Variants in TMEM40 observed in about 807,000 individuals in gnomAD.
TMEM40 encodes transmembrane protein 40.
Under a neutral mutation model 40.8 loss-of-function variants are expected in TMEM40, and 34 were observed. The observed-to-expected ratio is 0.83, with a 90% CI of 0.63 to 1.11. The LOEUF is 1.11. TMEM40 is among the 50% of genes least tolerant of loss of function. TMEM40 has a pLI of 0.00. For missense variants in TMEM40, 296 were observed against 280.2 expected, an observed-to-expected ratio of 1.06 and a Z score of -0.40; for synonymous variants, 106 against 107.0, an observed-to-expected ratio of 0.99 and a Z score of 0.06.
At chr3:12,737,790 A>T in intron 7 of TMEM40, 36 bp from the exon 8 acceptor site, 1 of 1,598,730 alleles carries the variant, frequency 6.3e-7, no homozygotes, top group East Asian at 2.2e-5. Flanking sequence ...TTTAACTTTG[A>T]TGCAGGACGG....
chr3:12,753,773 G>A (rs2061497422), intron 1 of TMEM40, among the ~76,000 whole-genome samples: 1 of 152,212 alleles, frequency 6.6e-6, no homozygotes, highest in African/African-American at 2.4e-5. Context: ...GCCCAGCCCT[G>A]CTGAGTCATG....
chr3:12,769,153 A>G (rs958438851), intron 1 of TMEM40: 6 of 255,738 alleles, frequency 2.3e-5, no homozygotes, highest in Non-Finnish European at 5.2e-5. Flanking sequence ...GGCCTCTCCA[A>G]GTGCGGGGCC....
upstream of TMEM40, among the ~76,000 whole-genome samples, chr3:12,761,254 G>A (rs114626291): frequency 0.039 from 5,945 of 152,296 alleles, 392 homozygotes; most frequent in African/African-American, 0.14. Flanking sequence ...CAGCAGCCAG[G>A]CATCCTGAGA....
Position 12,736,622 on chromosome 3 carries a change from A to G in TMEM40, c.575T>C (p.Leu192Pro), listed in dbSNP as rs1276765886. The G allele has an allele frequency of 6.3e-7, 1 of 1,579,256 alleles. No individual in the cohort carries two copies. Among genetic ancestry groups the G allele is most frequent in the Admixed American group, 1.9e-5 (1 of 53,184 alleles). The change falls in exon 10 of 12, where the codon CTC (leucine) becomes CCC (proline). Residue 192 changes from leucine (L) to proline (P), a missense_variant. By Grantham distance (98) the Leu-to-Pro change is moderately conservative (BLOSUM62 -3). Transcript: ENST00000314124. ...AACGGTTTCCAGGGAGGCGAAGGTG[A>G]GCAGGCCGACCCCAAGAGACATGAA... ...DWFMSLGVGL[L>P]TFASLETVGI...
chr3:12,741,005 G>A (rs1262936820), intron 5 of TMEM40, among the ~76,000 whole-genome samples: 1 of 152,044 alleles, frequency 6.6e-6, no homozygotes, highest in East Asian at 1.9e-4. Flanking sequence ...GATGACACCT[G>A]CTGCCTTTTA....
chr3:12,761,126 A>T (rs376678884), upstream of TMEM40, among the ~76,000 whole-genome samples: 21 of 152,318 alleles, frequency 1.4e-4, 2 homozygotes, highest in Admixed American at 2.6e-4. Flanking sequence ...GCCATGTGTG[A>T]GGGCTTAGAG....
rs778282633 is a variant in TMEM40 at position 12,765,791 on chromosome 3, G to C, written c.-9+3460C>G. ...TCACCGTGTTAATCAGAATGGTCTCGATCTCCTGACCTCGTCATCTGCCCG... is the reference window on the plus strand; with the variant it reads ...TCACCGTGTTAATCAGAATGGTCTCCATCTCCTGACCTCGTCATCTGCCCG... On this transcript the variant is annotated intron_variant, in intron 1 of 11. Coordinates refer to the TMEM40 transcript ENST00000264728. 6.8e-4 allele frequency among the ~76,000 whole-genome samples: 103 copies of C among 152,012 alleles called. 1 individual carries two copies. Among genetic ancestry groups the C allele is most frequent in the Admixed American group, 5.1e-3 (78 of 15,258 alleles).
At chr3:12,761,897 AAC>A (rs1242057768), upstream of TMEM40, among the ~76,000 whole-genome samples, 1 of 152,214 alleles carries the variant, frequency 6.6e-6, no homozygotes, top group East Asian at 1.9e-4. Context: ...ATATATATAC[AAC>A]ATATATATGT....
At chr3:12,735,964 C>A (rs1458827100) in intron 10 of TMEM40, among the ~76,000 whole-genome samples, 3 of 151,748 alleles carry the variant, frequency 2.0e-5, no homozygotes, top group Admixed American at 6.6e-5. Flanking sequence ...TGGGCTCAAG[C>A]AATCCTCTTG....
intron 1 of TMEM40, among the ~76,000 whole-genome samples, chr3:12,751,420 T>C (rs1412970890): frequency 6.6e-6 from 1 of 151,692 alleles, no homozygotes; most frequent in Non-Finnish European, 1.5e-5. Context: ...TAGCTGGGAT[T>C]ACAGGCGCCA....
Position 12,739,945 on chromosome 3 carries a change from T to C in TMEM40, c.356-1357A>G, listed in dbSNP as rs535126461. 2.0e-3 allele frequency among the ~76,000 whole-genome samples: 304 copies of C among 150,598 alleles called. 2 individuals carry two copies. Among genetic ancestry groups the C allele is most frequent in the Middle Eastern group, 3.5e-3 (1 of 284 alleles). Reference sequence around the variant, plus strand: ...CTCAAGCAATCTTCCTGCCTCAGCCTCCCAAGTAGCTGGGATTACAGGTGT... The same window carrying C: ...CTCAAGCAATCTTCCTGCCTCAGCCCCCCAAGTAGCTGGGATTACAGGTGT... On this transcript the variant is annotated intron_variant, in intron 5 of 11. Coordinates refer to ENST00000314124, the MANE Select transcript of TMEM40 (RefSeq NM_018306.4).
At chr3:12,755,213 T>TTCTTTCTTTCTTTCTCTCTC (rs1553634015) in intron 1 of TMEM40, among the ~76,000 whole-genome samples, 2 of 94,320 alleles carry the variant, frequency 2.1e-5, no homozygotes, top group African/African-American at 8.7e-5. Context: ...CTTTCTTTCT[T>TTCTTTCTTTCTTTCTCTCTC]TCTCTCTCTC....
At chr3:12,763,028 C>T (rs1002904193), upstream of TMEM40, among the ~76,000 whole-genome samples, 24 of 151,388 alleles carry the variant, frequency 1.6e-4, no homozygotes, top group African/African-American at 4.9e-4. Flanking sequence ...GGCGTGGTGG[C>T]GGGCTCCCGT....
intron 1 of TMEM40, among the ~76,000 whole-genome samples, chr3:12,766,581 C>T (rs1390952654): frequency 1.4e-5 from 2 of 144,740 alleles, no homozygotes; most frequent in African/African-American, 2.7e-5. Context: ...GGCGACACAG[C>T]GAGACTCCAT....
At chr3:12,750,154 T>G (rs1391707231) in intron 1 of TMEM40, among the ~76,000 whole-genome samples, 2 of 150,924 alleles carry the variant, frequency 1.3e-5, no homozygotes, top group Non-Finnish European at 1.5e-5. Flanking sequence ...TTTTTTTTTT[T>G]TGTGGAAACA....
chr3:12,752,002 C>T (rs1009623233), intron 1 of TMEM40, among the ~76,000 whole-genome samples: 4 of 152,172 alleles, frequency 2.6e-5, no homozygotes, highest in African/African-American at 9.7e-5. Context: ...GGTCAAAACC[C>T]ACTTCCCTCA....
In TMEM40 at chr3:12,748,744, GAA is replaced by G. The variant is rs1178127321; in HGVS notation, c.120_121del (p.Ser41ProfsTer5). 1.2e-6 allele frequency: 2 copies of G among 1,614,140 alleles called. No individual in the cohort carries two copies. Among genetic ancestry groups the G allele is most frequent in the South Asian group, 1.1e-5 (1 of 91,078 alleles). Reference sequence around the variant, plus strand: ...CTTGTTTCTCTCATATTGTTCTTGGGAAAAGAGTCCAGCCTTCCCATCTTGCT... The same window carrying G: ...CTTGTTTCTCTCATATTGTTCTTGGGAAGAGTCCAGCCTTCCCATCTTGCT... On this transcript the variant is annotated frameshift_variant, in exon 3 of 12. Coordinates refer to ENST00000314124, the MANE Select transcript of TMEM40 (RefSeq NM_018306.4). LOFTEE classifies it high-confidence loss of function.
At chr3:12,768,226 C>T (rs972246667) in intron 1 of TMEM40, among the ~76,000 whole-genome samples, 3 of 152,124 alleles carry the variant, frequency 2.0e-5, no homozygotes, top group Non-Finnish European at 4.4e-5. Flanking sequence ...ATGCTGGCCT[C>T]AGAAGTGAGC....
chr3:12,760,354 T>C (rs1216782814), upstream of TMEM40, among the ~76,000 whole-genome samples: 1 of 152,074 alleles, frequency 6.6e-6, no homozygotes, highest in Non-Finnish European at 1.5e-5. Context: ...CCCTGCGAGA[T>C]CTTCCCCACA....
Sources: gnomAD v4.1 joint callset for allele counts (sites outside exome capture counted in the v4.1 genomes callset) on GRCh38, gnomAD v4.1.1 for gene constraint, MANE v1.5 for transcripts, NCBI Gene and HGNC (gene_info 2026-07-23, HGNC 2026-07-21) for gene names.